The following TEK variants were observed in gnomAD, a reference collection of about 807,000 sequenced individuals.
TEK encodes the protein TEK receptor tyrosine kinase, also known as angiopoietin-1 receptor.
TEK carries 43 observed loss-of-function variants against 131.8 expected under a neutral mutation model. The ratio of observed to expected loss-of-function variants is 0.33; its 90% CI spans 0.26 to 0.42. The LOEUF is 0.42. Ranked by LOEUF, TEK falls within the 10% of genes least tolerant of loss-of-function variation. The pLI is 1.00. For missense variants in TEK, 1,162 were observed against 1,384.4 expected (o/e 0.84, Z 2.55); for synonymous variants, 580 against 491.6 (o/e 1.18, Z -2.38).
chr9:27,139,212 C>CAGAAAAA (rs1554689747), intron 1 of TEK, among the ~76,000 whole-genome samples: 2 of 57,402 alleles, frequency 3.5e-5, no homozygotes, highest in Admixed American at 2.2e-4. Flanking sequence ...GACTCTGTCT[C>CAGAAAAA]AAAAAAAAAA....
intron 18 of TEK, among the ~76,000 whole-genome samples, chr9:27,214,447 T>A (rs1193983927): frequency 1.3e-5 from 2 of 152,196 alleles, no homozygotes; most frequent in East Asian, 3.9e-4. Context: ...GCTCCAGTTG[T>A]CATAAGATAT....
intron 1 of TEK, among the ~76,000 whole-genome samples, chr9:27,153,811 A>G (rs946386834): frequency 6.6e-6 from 1 of 152,240 alleles, no homozygotes; most frequent in Non-Finnish European, 1.5e-5. Context: ...ATGCAGTGGC[A>G]GCCATGCCTT....
intron 6 of TEK, among the ~76,000 whole-genome samples, chr9:27,177,469 G>A (rs79110172): frequency 0.066 from 10,012 of 152,230 alleles, 453 homozygotes; most frequent in African/African-American, 0.12. Flanking sequence ...AAGAGATGTC[G>A]GCTGGGCACG....
Position 27,229,261 on chromosome 9 carries a change from C to A in TEK, c.*29C>A. ...AGAACATCTGTATACCCTCTGTTTC[C>A]CTTTCACTGGCATGGGAGACCCTTG... On this transcript the variant is annotated 3_prime_UTR_variant, in exon 23 of 23. Coordinates refer to ENST00000380036, the MANE Select transcript of TEK (RefSeq NM_000459.5). The A allele has an allele frequency of 6.2e-7, 1 of 1,609,234 alleles. No individual in the cohort carries two copies. Among genetic ancestry groups the A allele is most frequent in the African/African-American group, 1.3e-5 (1 of 74,910 alleles).
intron 16 of TEK, among the ~76,000 whole-genome samples, chr9:27,211,175 A>ATATATATATG (rs1564101019): frequency 2.3e-5 from 2 of 88,700 alleles, no homozygotes; most frequent in African/African-American, 6.7e-5. Flanking sequence ...GTATGTGTAT[A>ATATATATATG]TATATATATG....
At chr9:27,194,601 G>A (rs1376528717) in intron 11 of TEK, among the ~76,000 whole-genome samples, 3 of 152,176 alleles carry the variant, frequency 2.0e-5, no homozygotes, top group African/African-American at 7.2e-5. Context: ...GTCAAGAGGG[G>A]AAGAGCATAA....
chr9:27,154,785 C>T (rs1204978322), intron 1 of TEK, among the ~76,000 whole-genome samples: 1 of 152,136 alleles, frequency 6.6e-6, no homozygotes, highest in Non-Finnish European at 1.5e-5. Context: ...TCTTCCTTAA[C>T]CGGCATGCTG....
At chr9:27,114,653 A>C (rs1821479841) in intron 1 of TEK, among the ~76,000 whole-genome samples, 1 of 152,226 alleles carries the variant, frequency 6.6e-6, no homozygotes, top group Non-Finnish European at 1.5e-5. Context: ...CAATCTGATA[A>C]TCAATTTTAT....
chr9:27,178,503 AT>A (rs1166210010), intron 6 of TEK, among the ~76,000 whole-genome samples: 5 of 152,176 alleles, frequency 3.3e-5, no homozygotes, highest in East Asian at 3.8e-4. Flanking sequence ...GAAAAATACC[AT>A]TGCAATTTTG....
At chr9:27,121,539 T>G (rs1322871996) in intron 1 of TEK, among the ~76,000 whole-genome samples, 2 of 150,264 alleles carry the variant, frequency 1.3e-5, no homozygotes, top group Non-Finnish European at 3.0e-5. Flanking sequence ...TATAAATATA[T>G]TTTCCATATT....
In TEK at chr9:27,160,575, C is replaced by T. The variant is rs77294855; in HGVS notation, c.364+2433C>T. On this transcript the variant is annotated intron_variant, in intron 2 of 22. Coordinates refer to ENST00000380036, the MANE Select transcript of TEK (RefSeq NM_000459.5). ...TGAGAATCTGCTCGACCATGGACCACGCTTTGAGTAGCAGTTTAGAGTTAG... is the reference window on the plus strand; with the variant it reads ...TGAGAATCTGCTCGACCATGGACCATGCTTTGAGTAGCAGTTTAGAGTTAG... Among the ~76,000 whole-genome samples, 263 of 152,204 alleles carry T rather than the reference C, an allele frequency of 1.7e-3. 1 individual carries two copies. Among genetic ancestry groups the T allele is most frequent in the African/African-American group, 5.5e-3 (230 of 41,526 alleles).
At chr9:27,138,161 A>G (rs151286980) in intron 1 of TEK, among the ~76,000 whole-genome samples, 1 of 152,228 alleles carries the variant, frequency 6.6e-6, no homozygotes, top group Admixed American at 6.5e-5. Context: ...GTGCAGACCC[A>G]AAGAGTGAGC....
intron 1 of TEK, among the ~76,000 whole-genome samples, chr9:27,110,296 T>G (rs972126131): frequency 2.0e-5 from 3 of 152,040 alleles, no homozygotes; most frequent in Admixed American, 2.0e-4. Context: ...AAACAAAAAT[T>G]TAGGCAGTTA....
At chr9:27,170,524 T>C (rs770797113) in intron 4 of TEK, among the ~76,000 whole-genome samples, 62 of 151,848 alleles carry the variant, frequency 4.1e-4, no homozygotes, top group Non-Finnish European at 4.4e-4. Flanking sequence ...ATTTGACAGG[T>C]TGAGGTGGGA....
intron 21 of TEK, 107 bp downstream of exon 21, chr9:27,220,252 C>T (rs1786640755): frequency 1.0e-6 from 1 of 962,286 alleles, no homozygotes; most frequent in African/African-American, 1.6e-5. Context: ...TACACAAACA[C>T]CTACACACAG....
chr9:27,118,105 G>A (rs981518785), intron 1 of TEK, among the ~76,000 whole-genome samples: 1 of 152,150 alleles, frequency 6.6e-6, no homozygotes, highest in African/African-American at 2.4e-5. Flanking sequence ...GAGTGCTTTA[G>A]ACATCTGGGA....
rs139188412 is a variant in TEK at position 27,116,705 on chromosome 9, A to G, written c.52+7063A>G. 9.5e-4 allele frequency among the ~76,000 whole-genome samples: 144 copies of G among 152,332 alleles called. 2 individuals are homozygous for G. The highest frequency in any genetic ancestry group is 6.9e-3 in the Admixed American group (106 of 15,292). Reference sequence around the variant, plus strand: ...GGTAAGTGAAGCCACGGGCATGGCTATATTTCAAGATTGAAATGAAGGAAC... The same window carrying G: ...GGTAAGTGAAGCCACGGGCATGGCTGTATTTCAAGATTGAAATGAAGGAAC... On this transcript the variant is annotated intron_variant, in intron 1 of 22. Coordinates refer to ENST00000380036, the MANE Select transcript of TEK (RefSeq NM_000459.5).
intron 21 of TEK, among the ~76,000 whole-genome samples, chr9:27,226,890 C>G (rs543210790): frequency 1.3e-5 from 2 of 152,096 alleles, no homozygotes; most frequent in Non-Finnish European, 2.9e-5. Context: ...GACTGCAAGG[C>G]TCTAGGTTGA....
chr9:27,117,028 A>ATT (rs201189870), intron 1 of TEK, among the ~76,000 whole-genome samples: 5 of 148,408 alleles, frequency 3.4e-5, no homozygotes, highest in African/African-American at 1.2e-4. Context: ...CGCCCAGCTA[A>ATT]TTTTTTTTTT....
Sources: allele counts gnomAD v4.1 joint callset (sites outside exome capture counted in the v4.1 genomes callset), GRCh38; gene constraint gnomAD v4.1.1; transcripts MANE v1.5; gene names NCBI Gene and HGNC (gene_info 2026-07-23, HGNC 2026-07-21).